The following ATP11B variants were observed in gnomAD, a reference collection of about 807,000 sequenced individuals.
The protein encoded by ATP11B is phospholipid-transporting ATPase IF.
A neutral mutation model predicts 157.8 loss-of-function variants in ATP11B; 81 were observed. The ratio of observed to expected loss-of-function variants is 0.51; its 90% confidence interval spans 0.43 to 0.62. The LOEUF (loss-of-function observed/expected upper bound fraction) is 0.62, where lower values mean the gene tolerates loss of function less well. Among genes scored for constraint, ATP11B ranks in the 20% least tolerant of loss-of-function variants. The pLI is 0.00. For synonymous variants in ATP11B, 451 were observed against 469.4 expected, an observed-to-expected ratio of 0.96 and a Z score of 0.51; for missense variants, 1,165 against 1,402.2, an observed-to-expected ratio of 0.83 and a Z score of 2.70.
intron 2 of ATP11B, among the ~76,000 whole-genome samples, chr3:182,822,771 C>T (rs1015616763): frequency 1.5e-4 from 23 of 152,196 alleles, no homozygotes; most frequent in Non-Finnish European, 3.2e-4. Flanking sequence ...ACATCCTCTC[C>T]AGCACCTGTT....
At chr3:182,903,825 A>T (rs529264776) in intron 28 of ATP11B, among the ~76,000 whole-genome samples, 1 of 152,114 alleles carries the variant, frequency 6.6e-6, no homozygotes, top group Non-Finnish European at 1.5e-5. Context: ...TTAAAAGCAC[A>T]CTCTGGCCAA....
intron 1 of ATP11B, among the ~76,000 whole-genome samples, chr3:182,796,976 G>C (rs938780565): frequency 6.6e-6 from 1 of 152,140 alleles, no homozygotes; most frequent in Non-Finnish European, 1.5e-5. Flanking sequence ...ATTGTCTTCT[G>C]ATTAACTGAG....
intron 21 of ATP11B, among the ~76,000 whole-genome samples, chr3:182,881,677 A>G (rs920196351): frequency 6.6e-6 from 1 of 152,234 alleles, no homozygotes; most frequent in Non-Finnish European, 1.5e-5. Flanking sequence ...TCATAATAAA[A>G]GTAGCTTTAT....
intron 20 of ATP11B, among the ~76,000 whole-genome samples, 167 bp downstream of exon 20, chr3:182,879,816 T>C (rs934538326): frequency 6.6e-6 from 1 of 152,266 alleles, no homozygotes; most frequent in Admixed American, 6.5e-5. Context: ...ATCAGACTTT[T>C]GGAATTCTCA....
chr3:182,832,957 A>G (rs1467311507), intron 4 of ATP11B, among the ~76,000 whole-genome samples: 1 of 152,064 alleles, frequency 6.6e-6, no homozygotes, highest in East Asian at 1.9e-4. Context: ...TTATTTTTAA[A>G]TAAATTTAAG....
chr3:182,882,511 A>T (rs1383498679), intron 21 of ATP11B, among the ~76,000 whole-genome samples: 1 of 152,114 alleles, frequency 6.6e-6, no homozygotes, highest in East Asian at 1.9e-4. Context: ...TGATTTGAAA[A>T]AAAAAAGAGA....
chr3:182,825,547 C>T (rs1324956310), intron 2 of ATP11B, among the ~76,000 whole-genome samples: 7 of 152,088 alleles, frequency 4.6e-5, no homozygotes, highest in East Asian at 1.9e-4. Context: ...GGTGAAACCC[C>T]GTCTCTACTA....
chr3:182,816,249 A>G (rs1716963138), intron 1 of ATP11B, among the ~76,000 whole-genome samples: 1 of 152,248 alleles, frequency 6.6e-6, no homozygotes, highest in Non-Finnish European at 1.5e-5. Context: ...ACTTTTTAGT[A>G]GACATTAACA....
rs560825218 is a variant in ATP11B, at chr3:182,853,680, A to G, written c.852-4198A>G. ...GATAAATTAAGAACTAAATAAATGG[A>G]GAAATCACATTAATAGATTGTCAAG... On this transcript the variant is annotated intron_variant, in intron 10 of 29. Coordinates refer to ENST00000323116, the MANE Select transcript of ATP11B (RefSeq NM_014616.3). 6.6e-4 allele frequency among the ~76,000 whole-genome samples: 101 copies of G among 152,346 alleles called. 1 individual carries two copies. In the South Asian group the frequency reaches 7.3e-3, roughly 11 times the overall value.
Position 182,865,516 on chromosome 3 carries a change from G to C in ATP11B, c.1261G>C (p.Glu421Gln). 1 of 1,613,728 alleles carries C rather than the reference G, an allele frequency of 6.2e-7. No homozygotes were observed. The highest frequency in any genetic ancestry group is 8.5e-7 in the Non-Finnish European group (1 of 1,179,776). Residue 421 changes from glutamate (E) to glutamine (Q), a missense_variant, in exon 13 of 30, where the codon GAA becomes CAA. Transcript: ENST00000323116. ...GACAGAAAATGAGATGCAGTTTCGG[G>C]AATGTTCAATTAATGGCATGAAATA... ...TLTENEMQFR[E>Q]CSINGMKYQE...
In ATP11B at chr3:182,918,128, G is replaced by A. The variant is rs1365163198; in HGVS notation, c.*24G>A. ...AAAGGGGCAGTAGTACTTTGTGGGA[G>A]CCAGTTCACCTCCTTTCCTAAAATT... is the stretch of plus-strand genomic sequence containing the variant. On this transcript the variant is annotated 3_prime_UTR_variant, in exon 30 of 30. Transcript: ENST00000323116. 1 of 1,611,124 alleles carries A rather than the reference G, an allele frequency of 6.2e-7. No homozygotes were observed. The highest frequency in any genetic ancestry group is 1.1e-5 in the South Asian group (1 of 90,434).
intron 28 of ATP11B, among the ~76,000 whole-genome samples, chr3:182,900,151 T>C (rs1723853646): frequency 6.6e-6 from 1 of 152,214 alleles, no homozygotes; most frequent in East Asian, 1.9e-4. Context: ...TTCATTTGCT[T>C]TGATAACCGA....
Position 182,887,703 on chromosome 3 carries a change from A to G in ATP11B, c.2833A>G (p.Thr945Ala). The G allele has an allele frequency of 6.2e-7, 1 of 1,609,196 alleles. No individual in the cohort carries two copies. The highest frequency in any genetic ancestry group is 8.5e-7 in the Non-Finnish European group (1 of 1,178,884). Residue 945 changes from threonine (T) to alanine (A), a missense_variant, in exon 24 of 30, where the codon ACC (threonine) becomes GCC (alanine). By Grantham distance (58) the Thr-to-Ala change is moderately conservative. Around this residue, in one of 4 missense-constraint regions of ATP11B, gnomAD observed 303 missense variants for 296.3 expected, o/e 1.02. Coordinates refer to ENST00000323116, the MANE Select transcript of ATP11B (RefSeq NM_014616.3). ...VDPHVLQNKPTLYRDISKNRL... is the reference protein window; with the variant it reads ...VDPHVLQNKPALYRDISKNRL... ...CCCTCATGTGTTACAAAATAAGCCC[A>G]CCCTTTATCGGTAAGTATTTTCTGG...
At chr3:182,866,561 C>A in intron 14 of ATP11B, 118 bp downstream of exon 14, 2 of 739,150 alleles carry the variant, frequency 2.7e-6, no homozygotes, top group Non-Finnish European at 4.0e-6. Flanking sequence ...TGTCAGAATT[C>A]ATATAAATAC....
intron 2 of ATP11B, among the ~76,000 whole-genome samples, chr3:182,824,225 G>A (rs1311671955): frequency 6.6e-6 from 1 of 152,086 alleles, no homozygotes; most frequent in Non-Finnish European, 1.5e-5. Context: ...TTAATGTTTT[G>A]AATATAAGCC....
At chr3:182,820,651 A>G (rs1235302269) in intron 2 of ATP11B, among the ~76,000 whole-genome samples, 1 of 152,174 alleles carries the variant, frequency 6.6e-6, no homozygotes, top group Non-Finnish European at 1.5e-5. Flanking sequence ...CCTGGGCAAC[A>G]GAGTGAGACC....
intron 12 of ATP11B, among the ~76,000 whole-genome samples, chr3:182,861,829 C>G (rs1023170033): frequency 6.6e-6 from 1 of 151,856 alleles, no homozygotes; most frequent in Non-Finnish European, 1.5e-5. Context: ...TTTAAAAGTA[C>G]TCTACCCAGG....
intron 1 of ATP11B, among the ~76,000 whole-genome samples, chr3:182,818,787 T>TAGTA (rs1308787051): frequency 6.6e-6 from 1 of 152,148 alleles, no homozygotes; most frequent in Non-Finnish European, 1.5e-5. Context: ...ATTACTTACG[T>TAGTA]AGTAGGTTAC....
At chr3:182,856,710 AC>A (rs1720433787) in intron 10 of ATP11B, among the ~76,000 whole-genome samples, 2 of 152,230 alleles carry the variant, frequency 1.3e-5, no homozygotes, top group Non-Finnish European at 2.9e-5. Context: ...TTCCTTATTT[AC>A]TGTCACAGCA....
Sources: gnomAD v4.1 joint callset for allele counts (sites outside exome capture counted in the v4.1 genomes callset) on GRCh38, gnomAD v4.1.1 for gene constraint, gnomAD v4.1.1 regional missense constraint, MANE v1.5 for transcripts, NCBI Gene and HGNC (gene_info 2026-07-23, HGNC 2026-07-21) for gene names.